The following CDK19 variants were observed in gnomAD, a reference collection of about 807,000 sequenced individuals.
CDK19 encodes the protein cyclin dependent kinase 19, also known as cyclin-dependent kinase 19.
In CDK19, 20 loss-of-function variants were observed where a neutral mutation model predicts 68.3. The ratio of observed to expected loss-of-function variants is 0.29; its 90% confidence interval spans 0.21 to 0.43. The LOEUF is 0.43. CDK19 is among the 20% of genes least tolerant of loss of function. The probability of loss-of-function intolerance (pLI) is 1.00; values close to 1 mark genes in which losing one functional copy is unlikely to be tolerated. For missense variants in CDK19, 339 were observed against 623.5 expected, an observed-to-expected ratio of 0.54 and a Z score of 4.86; for synonymous variants, 221 against 222.8, an observed-to-expected ratio of 0.99 and a Z score of 0.07.
Position 110,730,609 on chromosome 6 carries a change from A to AC in CDK19, c.204+15516_204+15517insG, listed in dbSNP as rs570700993. Among the ~76,000 whole-genome samples the AC allele has an allele frequency of 1.9e-3, 290 of 152,296 alleles. 2 individuals are homozygous for AC. Among genetic ancestry groups the AC allele is most frequent in the Non-Finnish European group, 2.7e-3 (187 of 68,032 alleles). On this transcript the variant is annotated intron_variant, in intron 2 of 12. Transcript: ENST00000368911. Reference sequence around the variant, plus strand: ...CTATTAAACTCAACAGATTGGAATAATTTTTCTAGATTAGTACCAGCTGCT... The same window carrying AC: ...CTATTAAACTCAACAGATTGGAATAACTTTTTCTAGATTAGTACCAGCTGCT...
intron 1 of CDK19, among the ~76,000 whole-genome samples, chr6:110,760,706 C>T (rs1386647081): frequency 6.6e-6 from 1 of 152,142 alleles, no homozygotes; most frequent in African/African-American, 2.4e-5. Context: ...CCAGCCTGGG[C>T]GACAGGGCGA....
chr6:110,783,559 AC>A (rs1780972252), intron 1 of CDK19, among the ~76,000 whole-genome samples: 1 of 151,074 alleles, frequency 6.6e-6, no homozygotes, highest in Non-Finnish European at 1.5e-5. Flanking sequence ...AATCGCATGA[AC>A]CCAGGAGGTG....
At chr6:110,663,131 T>C (rs1002103222) in intron 4 of CDK19, among the ~76,000 whole-genome samples, 5 of 152,220 alleles carry the variant, frequency 3.3e-5, no homozygotes, top group African/African-American at 1.2e-4. Flanking sequence ...CATTTAATTA[T>C]ATGGATTTTC....
At chr6:110,685,808 A>G (rs1772428245) in intron 2 of CDK19, among the ~76,000 whole-genome samples, 1 of 152,238 alleles carries the variant, frequency 6.6e-6, no homozygotes, top group South Asian at 2.1e-4. Context: ...CTGAGGCTCA[A>G]GCTAAAACTA....
chr6:110,657,629 A>G (rs1026804717), intron 4 of CDK19, among the ~76,000 whole-genome samples: 1 of 152,202 alleles, frequency 6.6e-6, no homozygotes, highest in Admixed American at 6.5e-5. Flanking sequence ...TTTGGTTCTC[A>G]ACTAGTTCCT....
intron 1 of CDK19, among the ~76,000 whole-genome samples, chr6:110,787,144 G>A (rs952659299): frequency 2.3e-4 from 35 of 152,114 alleles, no homozygotes; most frequent in Admixed American, 1.6e-3. Context: ...AGGTCCAGAC[G>A]GGCGGATCAC....
At chr6:110,728,304 G>GAC (rs1776498130) in intron 2 of CDK19, among the ~76,000 whole-genome samples, 1 of 145,862 alleles carries the variant, frequency 6.9e-6, no homozygotes, top group Non-Finnish European at 1.5e-5. Flanking sequence ...AAAAAAAAAA[G>GAC]AGAGAGAGAG....
intron 8 of CDK19, 37 bp downstream of exon 8, chr6:110,626,739 C>T: frequency 8.3e-7 from 1 of 1,200,482 alleles, no homozygotes; most frequent in Admixed American, 2.2e-5. Context: ...TTTTTTATAG[C>T]AGCACAAAAA....
rs148674343 is a variant in CDK19 at position 110,694,632 on chromosome 6, T to G, written c.205-24091A>C. 8.2e-3 allele frequency among the ~76,000 whole-genome samples: 1,244 copies of G among 152,210 alleles called. 21 individuals are homozygous for G. Among genetic ancestry groups the G allele is most frequent in the Non-Finnish European group, 7.5e-3 (509 of 68,036 alleles). On this transcript the variant is annotated intron_variant, in intron 2 of 12. Transcript: ENST00000368911. Reference sequence around the variant, plus strand: ...CAACAAAGAAACAAGGGACTTTAACTATACCCTAGAACAAATGGACTTAAC... The same window carrying G: ...CAACAAAGAAACAAGGGACTTTAACGATACCCTAGAACAAATGGACTTAAC...
intron 6 of CDK19, among the ~76,000 whole-genome samples, chr6:110,629,632 A>T (rs2037645): frequency 0.24 from 36,808 of 152,094 alleles, 4,812 homozygotes; most frequent in East Asian, 0.51. Flanking sequence ...GGGATTACAG[A>T]CATGAGGCAC....
chr6:110,632,463 G>A (rs1408680614), intron 5 of CDK19, among the ~76,000 whole-genome samples: 6 of 152,214 alleles, frequency 3.9e-5, no homozygotes, highest in African/African-American at 1.4e-4. Flanking sequence ...TGGTGGGGTG[G>A]CTCACACCTA....
rs138532530 is a variant in CDK19, at chr6:110,690,310, C to T, written c.205-19769G>A. Among the ~76,000 whole-genome samples the T allele has an allele frequency of 1.8e-3, 277 of 152,144 alleles. 5 individuals carry two copies. Among genetic ancestry groups the T allele is most frequent in the Admixed American group, 0.012 (190 of 15,272 alleles). ...ATCAACATTCCTGCAGATGAAGAAG[C>T]GCCCATCTGATAAATAGCCAGACTA... On this transcript the variant is annotated intron_variant, in intron 2 of 12. Coordinates refer to ENST00000368911, the MANE Select transcript of CDK19 (RefSeq NM_015076.5).
chr6:110,681,686 G>A (rs905832699), intron 2 of CDK19, among the ~76,000 whole-genome samples: 1 of 152,148 alleles, frequency 6.6e-6, no homozygotes. Flanking sequence ...TCTAACAAAT[G>A]TTTGTTCAAC....
At chr6:110,709,023 A>C (rs1419326928) in intron 2 of CDK19, among the ~76,000 whole-genome samples, 1 of 152,208 alleles carries the variant, frequency 6.6e-6, no homozygotes. Flanking sequence ...GGCTGGTTCA[A>C]CATACGCAAA....
chr6:110,810,956 G>T (rs1783047135), intron 1 of CDK19, among the ~76,000 whole-genome samples: 1 of 152,066 alleles, frequency 6.6e-6, no homozygotes, highest in African/African-American at 2.4e-5. Context: ...AAGACTGGAG[G>T]TAAGATGGCC....
chr6:110,668,334 A>G (rs898859295), intron 3 of CDK19, among the ~76,000 whole-genome samples: 3 of 152,224 alleles, frequency 2.0e-5, no homozygotes, highest in Admixed American at 2.0e-4. Flanking sequence ...AATTGTCAAT[A>G]GCGCTCCAGT....
At chr6:110,670,933 T>C in intron 2 of CDK19, 1 of 374,284 alleles carries the variant, frequency 2.7e-6, no homozygotes, top group South Asian at 2.1e-5. Context: ...AAAGAAACTG[T>C]TCCTTGGGAG....
chr6:110,643,191 C>T (rs995248119), intron 4 of CDK19: 2 of 1,287,142 alleles, frequency 1.6e-6, no homozygotes, highest in Non-Finnish European at 2.0e-6. Flanking sequence ...AAACACTTAC[C>T]AACTTAGGCC....
chr6:110,755,620 T>C (rs975032086), intron 1 of CDK19, among the ~76,000 whole-genome samples: 1 of 152,160 alleles, frequency 6.6e-6, no homozygotes, highest in African/African-American at 2.4e-5. Flanking sequence ...AGATCCATGC[T>C]ATATCCAAGC....
Sources: gnomAD v4.1 joint callset for allele counts (sites outside exome capture counted in the v4.1 genomes callset) on GRCh38, gnomAD v4.1.1 for gene constraint, MANE v1.5 for transcripts, NCBI Gene and HGNC (gene_info 2026-07-23, HGNC 2026-07-21) for gene names.